Variants in ITGBL1 observed in about 807,000 individuals in gnomAD.
ITGBL1 encodes the protein integrin beta-like protein 1.
In ITGBL1, 51 loss-of-function variants were observed where a neutral mutation model predicts 68.5. The observed-to-expected ratio is 0.74, with a 90% CI of 0.59 to 0.94. The LOEUF is 0.94. Ranked by LOEUF, ITGBL1 falls within the 40% of genes least tolerant of loss-of-function variation. ITGBL1 has a pLI of 0.00. For missense variants in ITGBL1, 649 were observed against 647.4 expected, an observed-to-expected ratio of 1.00 and a Z score of -0.03; for synonymous variants, 209 against 227.3, an observed-to-expected ratio of 0.92 and a Z score of 0.72.
At chr13:101,706,950 G>T in intron 9 of ITGBL1, 48 bp downstream of exon 9, 1 of 1,583,784 alleles carries the variant, frequency 6.3e-7, no homozygotes, top group South Asian at 1.1e-5. Flanking sequence ...TCTGACACAT[G>T]ATTTGTAGAA....
At chr13:101,522,092 A>G (rs1436219844) in intron 2 of ITGBL1, among the ~76,000 whole-genome samples, 1 of 152,014 alleles carries the variant, frequency 6.6e-6, no homozygotes, top group African/African-American at 2.4e-5. Context: ...GTGTCTTCCT[A>G]TTCTTATAAA....
At chr13:101,513,779 C>G (rs1236243043) in intron 2 of ITGBL1, among the ~76,000 whole-genome samples, 1 of 151,920 alleles carries the variant, frequency 6.6e-6, no homozygotes, top group Admixed American at 6.6e-5. Flanking sequence ...GAATTGTTAA[C>G]GAGGATGTAT....
intron 2 of ITGBL1, among the ~76,000 whole-genome samples, chr13:101,497,870 T>G (rs1321533894): frequency 5.3e-5 from 8 of 152,016 alleles, no homozygotes; most frequent in African/African-American, 1.9e-4. Context: ...TTTTTTTTTT[T>G]TTTACCTTTT....
At chr13:101,475,023 CT>C (rs2048515556) in intron 2 of ITGBL1, among the ~76,000 whole-genome samples, 1 of 152,168 alleles carries the variant, frequency 6.6e-6, no homozygotes, top group Non-Finnish European at 1.5e-5. Flanking sequence ...CTCTTTAATG[CT>C]TAGACATCAG....
At chr13:101,687,984 A>G (rs1327202419) in intron 7 of ITGBL1, among the ~76,000 whole-genome samples, 1 of 152,114 alleles carries the variant, frequency 6.6e-6, no homozygotes, top group Non-Finnish European at 1.5e-5. Context: ...GTATGAGAAT[A>G]TTAATTTGGT....
Position 101,454,031 on chromosome 13 carries a change from A to G in ITGBL1, c.247A>G (p.Met83Val). The G allele has an allele frequency of 1.3e-6, 2 of 1,590,612 alleles. No homozygotes were observed. Among genetic ancestry groups the G allele is most frequent in the East Asian group, 2.3e-5 (1 of 43,686 alleles). The change falls in exon 2 of 11, where the codon ATG (methionine) becomes GTG (valine). Residue 83 changes from methionine (M) to valine (V), a missense_variant. Met to Val is a conservative substitution (Grantham distance 21, BLOSUM62 1). Transcript: ENST00000376180. ...CATCTGCCACGTGACTGAGCCGGGC[A>G]TGTTCTTCGGGCCCCTGTGTGAGTG... The part of the protein sequence containing the change: ...VCICHVTEPG[M>V]FFGPLCECHE...
intron 2 of ITGBL1, among the ~76,000 whole-genome samples, chr13:101,527,097 A>T (rs951325310): frequency 1.3e-5 from 2 of 152,096 alleles, no homozygotes; most frequent in South Asian, 4.1e-4. Flanking sequence ...AATCACATCT[A>T]TTAAGATAAA....
chr13:101,542,627 C>T (rs1458466356), intron 2 of ITGBL1, among the ~76,000 whole-genome samples: 3 of 152,076 alleles, frequency 2.0e-5, no homozygotes, highest in African/African-American at 4.8e-5. Flanking sequence ...CTTTCTGTCT[C>T]GTTGATCTGT....
intron 2 of ITGBL1, among the ~76,000 whole-genome samples, chr13:101,539,896 G>A (rs1286791993): frequency 6.6e-6 from 1 of 152,152 alleles, no homozygotes; most frequent in Non-Finnish European, 1.5e-5. Context: ...TTTTGATGGG[G>A]TTGTTTGTTT....
chr13:101,617,642 T>C (rs2031420173), intron 7 of ITGBL1, among the ~76,000 whole-genome samples: 1 of 152,186 alleles, frequency 6.6e-6, no homozygotes, highest in Admixed American at 6.5e-5. Flanking sequence ...ATTAAAACTA[T>C]AGAAATTTAA....
At chr13:101,566,598 T>C (rs2050187099) in intron 2 of ITGBL1, among the ~76,000 whole-genome samples, 1 of 152,178 alleles carries the variant, frequency 6.6e-6, no homozygotes, top group South Asian at 2.1e-4. Flanking sequence ...AGATTCAGGC[T>C]CTGCCAAACA....
chr13:101,565,424 G>T (rs536044009), intron 2 of ITGBL1, among the ~76,000 whole-genome samples: 74 of 152,142 alleles, frequency 4.9e-4, no homozygotes, highest in Non-Finnish European at 7.4e-4. Context: ...TTCCTAAATG[G>T]AAGAAAATGA....
chr13:101,597,940 T>A (rs2030086486), intron 6 of ITGBL1, among the ~76,000 whole-genome samples: 1 of 152,168 alleles, frequency 6.6e-6, no homozygotes, highest in Non-Finnish European at 1.5e-5. Flanking sequence ...ACTAAACTGT[T>A]TATCTTATCT....
At position 101,598,276 on chromosome 13, in the gene ITGBL1, C is replaced by T. The variant is rs149452109; in HGVS notation, c.992C>T (p.Ser331Leu). 40 of 1,612,726 alleles carry T rather than the reference C, an allele frequency of 2.5e-5. No homozygotes were observed. Among genetic ancestry groups the T allele is most frequent in the African/African-American group, 1.6e-4 (12 of 74,876 alleles). The change falls in exon 7 of 11, where the codon TCG (serine) becomes TTG (leucine). Residue 331 changes from serine (S) to leucine (L), a missense_variant. Transcript: ENST00000376180. ...AGCATCAGGAAGTGCCAGGGAAGCT[C>T]GGATCTGCCTTGCTCTGGGAGGGGT... ...EESIRKCQGS[S>L]DLPCSGRGKC...
intron 2 of ITGBL1, among the ~76,000 whole-genome samples, chr13:101,530,885 C>T (rs190952417): frequency 6.6e-6 from 1 of 152,134 alleles, no homozygotes; most frequent in African/African-American, 2.4e-5. Flanking sequence ...ACTTCAAATT[C>T]TTGAAGGGCA....
At chr13:101,494,980 A>G (rs1303656653) in intron 2 of ITGBL1, among the ~76,000 whole-genome samples, 1 of 152,190 alleles carries the variant, frequency 6.6e-6, no homozygotes, top group Non-Finnish European at 1.5e-5. Context: ...TTAGACCAAG[A>G]GTGATGGGGA....
intron 2 of ITGBL1, among the ~76,000 whole-genome samples, chr13:101,537,248 G>C (rs1329413115): frequency 3.3e-5 from 5 of 152,010 alleles, no homozygotes; most frequent in Non-Finnish European, 7.4e-5. Flanking sequence ...TTAGCAGTCA[G>C]AGACTGGCTC....
At chr13:101,569,270 G>A (rs1030645481) in intron 3 of ITGBL1, among the ~76,000 whole-genome samples, 1 of 151,126 alleles carries the variant, frequency 6.6e-6, no homozygotes, top group Non-Finnish European at 1.5e-5. Flanking sequence ...CAAATTTAGG[G>A]TTTTTTTTTA....
intron 7 of ITGBL1, among the ~76,000 whole-genome samples, chr13:101,677,634 G>A (rs1361398650): frequency 6.6e-6 from 1 of 152,118 alleles, no homozygotes; most frequent in Non-Finnish European, 1.5e-5. Flanking sequence ...TTCCATCTGG[G>A]AGGAGAAATG....
Sources: gnomAD v4.1 joint callset for allele counts (sites outside exome capture counted in the v4.1 genomes callset) on GRCh38, gnomAD v4.1.1 for gene constraint, MANE v1.5 for transcripts, NCBI Gene and HGNC (gene_info 2026-07-23, HGNC 2026-07-21) for gene names.